Variants in COL4A1 observed in about 807,000 individuals in gnomAD.
COL4A1 encodes collagen alpha-1(IV) chain.
Under a neutral mutation model 216.6 loss-of-function variants are expected in COL4A1, and 40 were observed. That is an observed-to-expected ratio of 0.18 (90% CI 0.14 to 0.24). The LOEUF (loss-of-function observed/expected upper bound fraction) is 0.24. Among genes scored for constraint, COL4A1 ranks in the 10% least tolerant of loss-of-function variants. The pLI, the probability that COL4A1 is intolerant of heterozygous loss-of-function variation, is 1.00. For synonymous variants in COL4A1, 839 were observed against 810.7 expected (o/e 1.03, Z -0.59); for missense variants, 1,628 against 2,196.8 (o/e 0.74, Z 5.18).
intron 2 of COL4A1, among the ~76,000 whole-genome samples, chr13:110,236,340 A>G (rs1881316279): frequency 6.6e-6 from 1 of 152,232 alleles, no homozygotes; most frequent in Non-Finnish European, 1.5e-5. Flanking sequence ...CTTACAGATA[A>G]TATTTTTCTT....
At chr13:110,170,254 G>C (rs1329989586) in intron 42 of COL4A1, among the ~76,000 whole-genome samples, 1 of 152,232 alleles carries the variant, frequency 6.6e-6, no homozygotes, top group Non-Finnish European at 1.5e-5. Context: ...GAACCCACAA[G>C]TGGGCCCAAG....
intron 1 of COL4A1, among the ~76,000 whole-genome samples, chr13:110,259,546 T>G (rs1882732339): frequency 6.6e-6 from 1 of 152,242 alleles, no homozygotes; most frequent in African/African-American, 2.4e-5. Flanking sequence ...GACAGGAAAC[T>G]GGCTTAACAT....
rs2139156247 is a variant in COL4A1, at chr13:110,170,697, C to T, written c.3592G>A (p.Gly1198Arg). 3 of 1,614,206 alleles carry T rather than the reference C, an allele frequency of 1.9e-6. No individual in the cohort carries two copies. Among genetic ancestry groups the T allele is most frequent in the Non-Finnish European group, 2.5e-6 (3 of 1,180,048 alleles). The change falls in exon 42 of 52, where the codon GGG becomes AGG. Residue 1198 changes from glycine to arginine, a missense_variant. By Grantham distance (125) the Gly-to-Arg change is moderately radical (BLOSUM62 -2). Transcript: ENST00000375820. ...KGEVGFPGLA[G>R]SPGIPGSKGE... ...TTGGATCCAGGAATTCCTGGGCTCC[C>T]GGCTAATCCTGGGAAACCCACCTCA...
At chr13:110,218,316 A>C (rs1425656555) in intron 2 of COL4A1, among the ~76,000 whole-genome samples, 1 of 152,130 alleles carries the variant, frequency 6.6e-6, no homozygotes, top group East Asian at 1.9e-4. Context: ...CAATGGACTG[A>C]AGCACACACA....
chr13:110,201,803 GA>G (rs1269470773), intron 18 of COL4A1: 4 of 570,832 alleles, frequency 7.0e-6, no homozygotes, highest in Non-Finnish European at 1.3e-5. Context: ...TCAATATGGT[GA>G]AACCCCGACT....
chr13:110,265,245 C>T (rs1453520338), intron 1 of COL4A1: 1 of 152,254 alleles, frequency 6.6e-6, no homozygotes, highest in Non-Finnish European at 1.5e-5. Context: ...GAGGAAAGCG[C>T]CGACTGCAAT....
intron 17 of COL4A1, among the ~76,000 whole-genome samples, chr13:110,203,849 T>C (rs1879362683): frequency 6.8e-6 from 1 of 146,496 alleles, no homozygotes; most frequent in African/African-American, 2.8e-5. Context: ...TGGGGGCTAA[T>C]TATTCTCCTT....
intron 45 of COL4A1, among the ~76,000 whole-genome samples, chr13:110,165,829 T>C (rs1458967947): frequency 6.6e-6 from 1 of 152,178 alleles, no homozygotes; most frequent in African/African-American, 2.4e-5. Context: ...CAACAGCACC[T>C]TTCCCAGGAA....
At chr13:110,261,338 G>T (rs886119875) in intron 1 of COL4A1, among the ~76,000 whole-genome samples, 19 of 152,236 alleles carry the variant, frequency 1.2e-4, no homozygotes, top group African/African-American at 4.3e-4. Flanking sequence ...GGGCAATTTT[G>T]GATTCTCTCA....
chr13:110,304,003 G>T (rs896115370), intron 1 of COL4A1, among the ~76,000 whole-genome samples: 1 of 152,234 alleles, frequency 6.6e-6, no homozygotes, highest in Admixed American at 6.5e-5. Context: ...GTCCTCTGGT[G>T]CCTAAAGCAC....
chr13:110,287,151 C>T (rs61104498), intron 1 of COL4A1, among the ~76,000 whole-genome samples: 2,033 of 152,298 alleles, frequency 0.013, 44 homozygotes, highest in African/African-American at 0.046. Context: ...GGCCAAGCCA[C>T]AGGGCACTGG....
intron 1 of COL4A1, among the ~76,000 whole-genome samples, chr13:110,257,539 G>A (rs1366862689): frequency 2.0e-5 from 3 of 152,188 alleles, no homozygotes; most frequent in African/African-American, 7.2e-5. Flanking sequence ...TTGAACTTTT[G>A]CTGGTCAAAG....
chr13:110,152,705 A>G (rs929730432), intron 50 of COL4A1, among the ~76,000 whole-genome samples, 199 bp from the exon 51 acceptor site: 1 of 152,256 alleles, frequency 6.6e-6, no homozygotes, highest in South Asian at 2.1e-4. Flanking sequence ...CTGGGGCCCC[A>G]TGGTGCTCAG....
intron 50 of COL4A1, among the ~76,000 whole-genome samples, chr13:110,154,305 T>C (rs1232048845): frequency 1.3e-5 from 2 of 152,212 alleles, no homozygotes; most frequent in African/African-American, 4.8e-5. Flanking sequence ...TAAGCTACAA[T>C]GAGTGTATCA....
intron 1 of COL4A1, among the ~76,000 whole-genome samples, chr13:110,277,686 G>T (rs940079212): frequency 4.6e-5 from 7 of 152,166 alleles, no homozygotes; most frequent in Admixed American, 1.3e-4. Context: ...AAATAAAATG[G>T]AAATCTCTTG....
Position 110,183,232 on chromosome 13 carries a change from G to C in COL4A1, c.1942C>G (p.Pro648Ala), listed in dbSNP as rs1413099763. 6.8e-6 allele frequency: 11 copies of C among 1,613,720 alleles called. No homozygotes were observed. Among genetic ancestry groups the C allele is most frequent in the East Asian group, 2.2e-5 (1 of 44,892 alleles). The change falls in exon 27 of 52, where the codon CCT becomes GCT. Residue 648 changes from proline (P) to alanine (A), a missense_variant. By Grantham distance (27) the Pro-to-Ala change is conservative (BLOSUM62 -1). This residue lies in a region of COL4A1 where 701 missense variants were observed against 892.5 expected (regional missense o/e 0.79). Transcript: ENST00000375820. Reference protein sequence around the residue: ...PGKIVPLPGPPGAEGLPGSPG... With the variant: ...PGKIVPLPGPAGAEGLPGSPG... Reference sequence around the variant, plus strand: ...GACCCCGGCAGTCCTTCTGCTCCAGGGGGGCCTGGTAAAGGAACAATTTTT... The same window carrying C: ...GACCCCGGCAGTCCTTCTGCTCCAGCGGGGCCTGGTAAAGGAACAATTTTT...
In COL4A1 at chr13:110,149,843, T is replaced by C. The variant is rs1876417610; in HGVS notation, c.*520A>G. 6.0e-6 allele frequency: 1 copy of C among 166,430 alleles called. No homozygotes were observed. The highest frequency in any genetic ancestry group is 2.4e-5 in the African/African-American group (1 of 41,528). 10.3% of individuals were successfully genotyped at this position (166,430 alleles called of 1,614,324 possible). On this transcript the variant is annotated 3_prime_UTR_variant, in exon 52 of 52. Coordinates refer to ENST00000375820, the MANE Select transcript of COL4A1 (RefSeq NM_001845.6). ...AAAGACAGAAATTTATACTGGGGGG[T>C]TGGAAGATATGGCTACTGAGTCTGT...
chr13:110,253,306 ATG>A (rs1566417817), intron 1 of COL4A1, among the ~76,000 whole-genome samples: 24 of 47,108 alleles, frequency 5.1e-4, no homozygotes, highest in Non-Finnish European at 9.5e-4. Context: ...ATATAATTAT[ATG>A]TATTACATAT....
chr13:110,203,772 G>A (rs1385445296), intron 17 of COL4A1, among the ~76,000 whole-genome samples, 165 bp from the exon 18 acceptor site: 1 of 152,144 alleles, frequency 6.6e-6, no homozygotes, highest in African/African-American at 2.4e-5. Context: ...CAACAAAAAT[G>A]AATAGATTTC....
Sources: gnomAD v4.1 joint callset for allele counts (sites outside exome capture counted in the v4.1 genomes callset) on GRCh38, gnomAD v4.1.1 for gene constraint, gnomAD v4.1.1 regional missense constraint, MANE v1.5 for transcripts, NCBI Gene and HGNC (gene_info 2026-07-23, HGNC 2026-07-21) for gene names.